Variants in ST7L observed in about 807,000 individuals in gnomAD.
ST7L encodes suppressor of tumorigenicity 7 protein-like.
A neutral mutation model predicts 72.5 loss-of-function variants in ST7L; 57 were observed. That is an observed-to-expected ratio of 0.79 (90% CI 0.64 to 0.98). The LOEUF (loss-of-function observed/expected upper bound fraction) is 0.98, where lower values mean the gene tolerates loss of function less well. Among genes scored for constraint, ST7L ranks in the 50% least tolerant of loss-of-function variants. ST7L has a pLI of 0.00. For synonymous variants in ST7L, 221 were observed against 240.9 expected, an observed-to-expected ratio of 0.92 and a Z score of 0.77; for missense variants, 576 against 672.2, an observed-to-expected ratio of 0.86 and a Z score of 1.58.
chr1:112,592,115 A>C (rs1665812059), intron 5 of ST7L, among the ~76,000 whole-genome samples: 1 of 152,134 alleles, frequency 6.6e-6, no homozygotes, highest in South Asian at 2.1e-4. Context: ...TTAATTTAGA[A>C]TATAGTACCT....
intron 3 of ST7L, among the ~76,000 whole-genome samples, chr1:112,606,260 C>T (rs1296053407): frequency 2.6e-5 from 4 of 152,164 alleles, no homozygotes; most frequent in Non-Finnish European, 4.4e-5. Flanking sequence ...TTTTGCTTAA[C>T]AAGGGCTTCT....
intron 5 of ST7L, among the ~76,000 whole-genome samples, chr1:112,595,612 G>A (rs1666368686): frequency 6.6e-6 from 1 of 151,816 alleles, no homozygotes; most frequent in Non-Finnish European, 1.5e-5. Context: ...TGTAGGGATG[G>A]GGTCTTACTG....
At chr1:112,582,170 G>C (rs1664225322) in intron 8 of ST7L, 64 bp from the exon 9 acceptor site, 2 of 1,226,790 alleles carry the variant, frequency 1.6e-6, no homozygotes, top group African/African-American at 3.0e-5. Context: ...AGCTGAGCCA[G>C]ATTCATTAAG....
chr1:112,619,289 T>C, upstream of ST7L: 1 of 633,146 alleles, frequency 1.6e-6, no homozygotes, highest in Non-Finnish European at 2.7e-6. Context: ...TGGGGCTACC[T>C]GTTCTTTCGT....
At chr1:112,601,548 C>T (rs1008174381) in intron 3 of ST7L, among the ~76,000 whole-genome samples, 1 of 151,810 alleles carries the variant, frequency 6.6e-6, no homozygotes, top group Non-Finnish European at 1.5e-5. Context: ...CCTGGCCAGA[C>T]ACGTTTTGTT....
At chr1:112,521,729 T>C (rs1652893302), downstream of ST7L, 1 of 152,202 alleles carries the variant, frequency 6.6e-6, no homozygotes, top group South Asian at 2.1e-4. Flanking sequence ...CTATTACCCA[T>C]TGCCTAACTA....
chr1:112,521,327 TTTTTC>T (rs1254207213), downstream of ST7L: 1 of 147,118 alleles, frequency 6.8e-6, no homozygotes, highest in Non-Finnish European at 1.5e-5. Flanking sequence ...TTTTTTTTTT[TTTTTC>T]TTTTCTTTTC....
chr1:112,593,679 A>C (rs1395460374), intron 5 of ST7L, among the ~76,000 whole-genome samples: 1 of 152,182 alleles, frequency 6.6e-6, no homozygotes, highest in Admixed American at 6.5e-5. Context: ...ATTTTAATGT[A>C]AAATCTCCTG....
downstream of ST7L, chr1:112,520,723 C>T: frequency 5.1e-6 from 3 of 592,914 alleles, no homozygotes. Flanking sequence ...AGCAAGCTCC[C>T]TGATTTCCCG....
At chr1:112,617,080 A>G (rs1228375358) in intron 1 of ST7L, 185 bp from the exon 2 acceptor site, 2 of 375,616 alleles carry the variant, frequency 5.3e-6, no homozygotes, top group African/African-American at 4.3e-5. Flanking sequence ...TTTGCAACAA[A>G]TCAAAATGAG....
At chr1:112,596,394 T>C (rs905451843) in intron 5 of ST7L, among the ~76,000 whole-genome samples, 8 of 152,236 alleles carry the variant, frequency 5.3e-5, no homozygotes, top group African/African-American at 1.9e-4. Flanking sequence ...AGTCTTGAGT[T>C]TGAAACATGG....
rs775731768 is a variant in ST7L, at chr1:112,584,068, C to G, written c.760G>C (p.Glu254Gln). ...TTGAGTGCCTGTTTAAATAACCTTT[C>G]AGCATCTACAATAGTTGTTGCTTCT... ...EEEATTIVDA[E>Q]RLFKQALKAG... Residue 254 changes from glutamate (E) to glutamine (Q), a missense_variant, in exon 7 of 15, where the codon GAA (glutamate) becomes CAA (glutamine). Glu to Gln is a conservative substitution (Grantham distance 29). This residue lies in a region of ST7L where 511 missense variants were observed against 600.7 expected (regional missense o/e 0.85). Coordinates refer to ENST00000358039, the MANE Select transcript of ST7L (RefSeq NM_017744.5). 1 of 1,614,004 alleles carries G rather than the reference C, an allele frequency of 6.2e-7. No individual in the cohort carries two copies. Among genetic ancestry groups the G allele is most frequent in the African/African-American group, 1.3e-5 (1 of 74,926 alleles).
chr1:112,597,503 A>G (rs1260856818), intron 5 of ST7L, among the ~76,000 whole-genome samples: 4 of 152,232 alleles, frequency 2.6e-5, no homozygotes, highest in African/African-American at 7.2e-5. Context: ...ACTCTCTTCT[A>G]TAGATAAGCA....
In ST7L at chr1:112,589,057, T is replaced by C. The variant is rs145198951; in HGVS notation, c.701+2468A>G. Among the ~76,000 whole-genome samples, 544 of 152,256 alleles carry C rather than the reference T, an allele frequency of 3.6e-3. 2 individuals are homozygous for C. The highest frequency in any genetic ancestry group is 5.9e-3 in the Non-Finnish European group (404 of 68,018). ...CCCTATGGTAAATTTTTCATTTTAG[T>C]TATGCTTTTCAATTCTGGAATTTCT... On this transcript the variant is annotated intron_variant, in intron 6 of 14. Coordinates refer to ENST00000358039, the MANE Select transcript of ST7L (RefSeq NM_017744.5).
At chr1:112,560,656 A>G (rs1034077530) in intron 11 of ST7L, among the ~76,000 whole-genome samples, 1 of 152,024 alleles carries the variant, frequency 6.6e-6, no homozygotes, top group Non-Finnish European at 1.5e-5. Flanking sequence ...TATTACACTA[A>G]AAGCAAGTAT....
At chr1:112,608,362 A>G (rs1668587717) in intron 3 of ST7L, among the ~76,000 whole-genome samples, 2 of 152,110 alleles carry the variant, frequency 1.3e-5, no homozygotes, top group African/African-American at 4.8e-5. Context: ...CCTCTGTGAT[A>G]TATTTTGCGG....
At chr1:112,519,872 CTTTT>C (rs71081244), downstream of ST7L, among the ~76,000 whole-genome samples, 1 of 115,628 alleles carries the variant, frequency 8.6e-6, no homozygotes, top group Non-Finnish European at 1.8e-5. Flanking sequence ...GCCCATGCTT[CTTTT>C]TTTTTTTTTT....
intron 11 of ST7L, among the ~76,000 whole-genome samples, chr1:112,562,375 G>A (rs7538730): frequency 0.064 from 9,681 of 152,026 alleles, 762 homozygotes; most frequent in African/African-American, 0.18. Flanking sequence ...AAGAGTGTTG[G>A]ACATTAAATG....
intron 6 of ST7L, 55 bp downstream of exon 6, chr1:112,591,470 C>A: frequency 1.4e-6 from 2 of 1,480,170 alleles, no homozygotes; most frequent in South Asian, 2.4e-5. Context: ...ACATAAAAAT[C>A]ATTTGCCTTG....
Sources: allele counts gnomAD v4.1 joint callset (sites outside exome capture counted in the v4.1 genomes callset), GRCh38; gene constraint gnomAD v4.1.1; regional missense constraint gnomAD v4.1.1; transcripts MANE v1.5; gene names NCBI Gene and HGNC (gene_info 2026-07-23, HGNC 2026-07-21).